The following CCSER1 variants were observed in gnomAD, a reference collection of about 807,000 sequenced individuals.
The protein encoded by CCSER1 is serine-rich coiled-coil domain-containing protein 1.
CCSER1 carries 41 observed loss-of-function variants against 82.0 expected under a neutral mutation model. The observed-to-expected ratio is 0.50, with a 90% CI of 0.39 to 0.65. CCSER1 has a LOEUF of 0.65. Ranked by LOEUF, CCSER1 falls within the 30% of genes least tolerant of loss-of-function variation. CCSER1 has a pLI of 0.00. For synonymous variants in CCSER1, 414 were observed against 383.9 expected (o/e 1.08, Z -0.92); for missense variants, 1,119 against 1,064.2 (o/e 1.05, Z -0.72).
chr4:90,312,853 C>T lies in CCSER1; in HGVS notation c.1325-10C>T, dbSNP rs1180758441. 1.1e-5 allele frequency: 17 copies of T among 1,517,606 alleles called. No individual in the cohort carries two copies. Among genetic ancestry groups the T allele is most frequent in the African/African-American group, 1.4e-5 (1 of 71,680 alleles). The allele number at this position is 1,517,606 out of a possible 1,614,324, so 94.0% of individuals were successfully genotyped here. On this transcript the variant is annotated splice_polypyrimidine_tract_variant and intron_variant, in intron 2 of 10. Coordinates refer to ENST00000509176, the MANE Select transcript of CCSER1 (RefSeq NM_001145065.2). Reference sequence around the variant, plus strand: ...TTTACCTTCATTTTTATTTATTTTCCTTTCCATAGTTCTTGCCAGTAGTCT... The same window carrying T: ...TTTACCTTCATTTTTATTTATTTTCTTTTCCATAGTTCTTGCCAGTAGTCT...
intron 9 of CCSER1, among the ~76,000 whole-genome samples, chr4:91,019,313 AATCTTAT>A (rs1387363705): frequency 6.6e-6 from 1 of 151,964 alleles, no homozygotes; most frequent in African/African-American, 2.4e-5. Flanking sequence ...TCAAATTTCA[AATCTTAT>A]ATCCATGGGT....
chr4:90,284,737 C>T (rs188123052), intron 1 of CCSER1, among the ~76,000 whole-genome samples: 1 of 152,140 alleles, frequency 6.6e-6, no homozygotes, highest in Non-Finnish European at 1.5e-5. Context: ...AAGCAATCTG[C>T]CCACCTTGGC....
At chr4:91,048,448 AAAT>A (rs1742708096) in intron 9 of CCSER1, among the ~76,000 whole-genome samples, 1 of 152,078 alleles carries the variant, frequency 6.6e-6, no homozygotes, top group African/African-American at 2.4e-5. Context: ...TTCAATTTTT[AAAT>A]AATGTGTTTT....
chr4:91,059,237 C>T (rs954521977), intron 9 of CCSER1, among the ~76,000 whole-genome samples: 15 of 125,480 alleles, frequency 1.2e-4, no homozygotes, highest in African/African-American at 4.6e-4. Flanking sequence ...TAGTTCTTGA[C>T]TTGCTTGTAT....
At chr4:90,183,285 A>G (rs1278487998) in intron 1 of CCSER1, among the ~76,000 whole-genome samples, 1 of 152,156 alleles carries the variant, frequency 6.6e-6, no homozygotes, top group African/African-American at 2.4e-5. Context: ...AAACACACAC[A>G]CACACAACCC....
At chr4:90,153,512 A>G (rs910704223) in intron 1 of CCSER1, among the ~76,000 whole-genome samples, 6 of 152,008 alleles carry the variant, frequency 3.9e-5, no homozygotes, top group African/African-American at 1.4e-4. Flanking sequence ...ACAGTGTCAA[A>G]GTGTTCCTAT....
chr4:90,217,265 C>T (rs12650357), intron 1 of CCSER1, among the ~76,000 whole-genome samples: 93,037 of 151,814 alleles, frequency 0.61, 29,836 homozygotes, highest in East Asian at 0.83. Context: ...GGTGCGATCT[C>T]GGCTCACTGC....
intron 10 of CCSER1, 58 bp from the exon 11 acceptor site, chr4:91,598,514 A>G (rs1764687456): frequency 6.8e-6 from 10 of 1,464,140 alleles, no homozygotes; most frequent in South Asian, 1.4e-5. Context: ...TCTGTATTGT[A>G]TGTATGCTAT....
rs147832624 is a variant in CCSER1 at position 90,394,171 on chromosome 4, T to C, written c.1510-5865T>C. ...CCATTAGGAACAATGATCTGGAGAA[T>C]TGATTCACACTAACCAAACATAAGG... On this transcript the variant is annotated intron_variant, in intron 3 of 10. Transcript: ENST00000509176. 4.2e-3 allele frequency among the ~76,000 whole-genome samples: 638 copies of C among 151,792 alleles called. 6 individuals are homozygous for C. Among genetic ancestry groups the C allele is most frequent in the African/African-American group, 0.015 (617 of 41,378 alleles).
At chr4:91,357,527 A>T (rs893893639) in intron 10 of CCSER1, among the ~76,000 whole-genome samples, 1 of 152,132 alleles carries the variant, frequency 6.6e-6, no homozygotes, top group Non-Finnish European at 1.5e-5. Flanking sequence ...AGCTTGCTTA[A>T]ACTTTTAAAA....
intron 1 of CCSER1, among the ~76,000 whole-genome samples, chr4:90,167,367 T>C (rs1730668543): frequency 1.3e-5 from 2 of 152,176 alleles, no homozygotes; most frequent in Non-Finnish European, 2.9e-5. Context: ...AATAAAGTTG[T>C]ACATTTTCAT....
chr4:90,668,101 A>G (rs1732139205), intron 6 of CCSER1, among the ~76,000 whole-genome samples: 1 of 152,206 alleles, frequency 6.6e-6, no homozygotes, highest in South Asian at 2.1e-4. Context: ...CTGGTAATGT[A>G]AACTTGCCTG....
chr4:90,756,510 G>A (rs983849931), intron 7 of CCSER1, among the ~76,000 whole-genome samples: 16 of 151,970 alleles, frequency 1.1e-4, no homozygotes, highest in African/African-American at 1.4e-4. Flanking sequence ...GTCTTTCTTC[G>A]GTGTCTTAGT....
chr4:90,693,195 A>G (rs1736351140), intron 6 of CCSER1, among the ~76,000 whole-genome samples: 1 of 151,922 alleles, frequency 6.6e-6, no homozygotes, highest in Admixed American at 6.6e-5. Context: ...TATTGTTCTA[A>G]TAGAAGGCCT....
intron 10 of CCSER1, among the ~76,000 whole-genome samples, chr4:91,220,139 G>T (rs1445438103): frequency 6.6e-6 from 1 of 152,148 alleles, no homozygotes; most frequent in African/African-American, 2.4e-5. Flanking sequence ...ATGTTAAAAC[G>T]TAGGCCAAAG....
chr4:91,202,087 T>C (rs1735943147), intron 10 of CCSER1, among the ~76,000 whole-genome samples: 1 of 151,808 alleles, frequency 6.6e-6, no homozygotes, highest in South Asian at 2.1e-4. Flanking sequence ...AATAGAAATA[T>C]GCCTAATGTA....
Position 90,604,679 on chromosome 4 carries a change from G to GC in CCSER1, c.1725-23346_1725-23345insC, listed in dbSNP as rs1446617609. Among the ~76,000 whole-genome samples, 5 of 152,150 alleles carry GC rather than the reference G, an allele frequency of 3.3e-5. No individual in the cohort carries two copies. The East Asian group carries it at 9.6e-4, about 29-fold the overall frequency. On this transcript the variant is annotated intron_variant, in intron 5 of 10. Transcript: ENST00000509176. ...AACTTTTATGTCTAGCTAAAGGTTT[G>GC]TAAATGCACCAATCAGCACTTCGTG... is the stretch of plus-strand genomic sequence containing the variant.
chr4:91,596,449 T>A (rs1271547565), intron 10 of CCSER1, among the ~76,000 whole-genome samples: 2 of 152,078 alleles, frequency 1.3e-5, no homozygotes, highest in African/African-American at 4.8e-5. Flanking sequence ...GCAGCACCCA[T>A]GATATGTCTA....
At chr4:90,709,702 G>T (rs12499331) in intron 6 of CCSER1, among the ~76,000 whole-genome samples, 31,116 of 152,042 alleles carry the variant, frequency 0.2, 3,527 homozygotes, top group Middle Eastern at 0.27. Flanking sequence ...CATTTAGGTT[G>T]ATTCCATGTC....
Sources: allele counts gnomAD v4.1 joint callset (sites outside exome capture counted in the v4.1 genomes callset), GRCh38; gene constraint gnomAD v4.1.1; transcripts MANE v1.5; gene names NCBI Gene and HGNC (gene_info 2026-07-23, HGNC 2026-07-21).